Variants in GRM5 observed in about 807,000 individuals in gnomAD.
The protein encoded by GRM5 is glutamate metabotropic receptor 5.
GRM5 carries 19 observed loss-of-function variants against 83.1 expected under a neutral mutation model. The ratio of observed to expected loss-of-function variants is 0.23; its 90% confidence interval spans 0.16 to 0.34. The LOEUF is 0.34. Ranked by LOEUF, GRM5 falls within the 10% of genes least tolerant of loss-of-function variation. The pLI is 1.00. For synonymous variants in GRM5, 675 were observed against 633.6 expected (o/e 1.07, Z -0.98); for missense variants, 1,160 against 1,588.3 (o/e 0.73, Z 4.58).
intron 3 of GRM5, among the ~76,000 whole-genome samples, chr11:88,827,452 C>T (rs570127469): frequency 6.6e-6 from 1 of 152,204 alleles, no homozygotes; most frequent in Non-Finnish European, 1.5e-5. Flanking sequence ...ATGTTATGCT[C>T]TTCTTGCTAT....
intron 4 of GRM5, among the ~76,000 whole-genome samples, chr11:88,627,116 C>A (rs1383948416): frequency 6.6e-6 from 1 of 152,158 alleles, no homozygotes; most frequent in Non-Finnish European, 1.5e-5. Context: ...TTAATATTAT[C>A]CCAAATTTAC....
intron 3 of GRM5, among the ~76,000 whole-genome samples, chr11:88,780,003 T>G (rs1942941181): frequency 6.6e-6 from 1 of 152,174 alleles, no homozygotes; most frequent in South Asian, 2.1e-4. Flanking sequence ...GCCCTGTGCC[T>G]GGAATGTTCT....
At chr11:88,948,050 T>C (rs537756159) in intron 2 of GRM5, among the ~76,000 whole-genome samples, 299 of 151,960 alleles carry the variant, frequency 2.0e-3, no homozygotes, top group South Asian at 3.1e-3. Context: ...GCCAAAAGGA[T>C]AGGTGGAGGA....
At chr11:88,697,184 A>C (rs1223770691) in intron 3 of GRM5, among the ~76,000 whole-genome samples, 2 of 152,170 alleles carry the variant, frequency 1.3e-5, no homozygotes, top group South Asian at 4.1e-4. Flanking sequence ...AGCTGCATCC[A>C]AATGACTCTT....
intron 1 of GRM5, among the ~76,000 whole-genome samples, chr11:89,059,700 T>C (rs977800153): frequency 1.8e-4 from 28 of 152,120 alleles, no homozygotes; most frequent in African/African-American, 6.3e-4. Context: ...AAACTCGACA[T>C]CCAAAGGCCT....
chr11:88,535,595 A>T (rs1942115081), intron 8 of GRM5, among the ~76,000 whole-genome samples: 1 of 152,212 alleles, frequency 6.6e-6, no homozygotes. Context: ...ATTTGTTATC[A>T]TTTAAGCCAC....
intron 2 of GRM5, among the ~76,000 whole-genome samples, chr11:89,046,833 A>T (rs1055338667): frequency 6.6e-6 from 1 of 152,178 alleles, no homozygotes; most frequent in African/African-American, 2.4e-5. Context: ...TAGAAACAAT[A>T]GGCACCTAGA....
chr11:88,988,666 C>T (rs940788032), intron 2 of GRM5, among the ~76,000 whole-genome samples: 21 of 151,724 alleles, frequency 1.4e-4, no homozygotes, highest in African/African-American at 4.8e-4. Context: ...GATCTCTCGG[C>T]AGAAACCCTA....
At chr11:88,853,555 T>C (rs1276518085) in intron 2 of GRM5, among the ~76,000 whole-genome samples, 1 of 151,158 alleles carries the variant, frequency 6.6e-6, no homozygotes, top group Non-Finnish European at 1.5e-5. Context: ...ATAATGTCTA[T>C]AGTCATTTAA....
At chr11:89,059,059 G>C (rs1253961626) in intron 1 of GRM5, among the ~76,000 whole-genome samples, 2 of 151,948 alleles carry the variant, frequency 1.3e-5, no homozygotes, top group Non-Finnish European at 2.9e-5. Context: ...ATGTAAGAAG[G>C]TTGCATTATT....
chr11:88,724,151 G>T (rs1941616791), intron 3 of GRM5, among the ~76,000 whole-genome samples: 1 of 152,084 alleles, frequency 6.6e-6, no homozygotes, highest in Non-Finnish European at 1.5e-5. Context: ...TTCCTGCTTA[G>T]TTTAACTCAT....
At chr11:88,822,835 A>G (rs993660053) in intron 3 of GRM5, among the ~76,000 whole-genome samples, 2 of 149,840 alleles carry the variant, frequency 1.3e-5, no homozygotes, top group African/African-American at 4.9e-5. Flanking sequence ...TTGTCGCCCA[A>G]TTTCTCTCTG....
intron 3 of GRM5, among the ~76,000 whole-genome samples, chr11:88,667,398 A>G (rs905429627): frequency 2.6e-5 from 4 of 152,198 alleles, no homozygotes; most frequent in Non-Finnish European, 5.9e-5. Context: ...ACACAGATTA[A>G]TAAGTATGAT....
At chr11:88,513,884 A>G (rs1239102218) in intron 9 of GRM5, among the ~76,000 whole-genome samples, 1 of 152,136 alleles carries the variant, frequency 6.6e-6, no homozygotes, top group African/African-American at 2.4e-5. Flanking sequence ...TTAACATTAA[A>G]CCTTCTATTC....
intron 3 of GRM5, among the ~76,000 whole-genome samples, chr11:88,728,796 C>A (rs998168890): frequency 6.6e-6 from 1 of 152,136 alleles, no homozygotes; most frequent in Admixed American, 6.5e-5. Flanking sequence ...TCAATAGATG[C>A]AGAAAAGGCC....
intron 3 of GRM5, among the ~76,000 whole-genome samples, chr11:88,753,680 C>T (rs1942332621): frequency 6.6e-6 from 1 of 152,120 alleles, no homozygotes; most frequent in Admixed American, 6.6e-5. Flanking sequence ...CCTAAATCCC[C>T]ATCAATGATA....
At chr11:88,996,747 T>C (rs773996708) in intron 2 of GRM5, among the ~76,000 whole-genome samples, 4 of 152,098 alleles carry the variant, frequency 2.6e-5, no homozygotes, top group Non-Finnish European at 4.4e-5. Flanking sequence ...TACACTAAGA[T>C]AGAAAACAAA....
chr11:88,859,930 T>C (rs1334246225), intron 2 of GRM5, among the ~76,000 whole-genome samples: 8 of 152,160 alleles, frequency 5.3e-5, no homozygotes, highest in Non-Finnish European at 1.2e-4. Context: ...TTCTACAAAA[T>C]ACACAACGCT....
chr11:89,001,491 T>G (rs1464143247), intron 2 of GRM5, among the ~76,000 whole-genome samples: 1 of 152,106 alleles, frequency 6.6e-6, no homozygotes. Context: ...AGAACATTCT[T>G]GAAGTGACAA....
Sources: allele counts gnomAD v4.1 joint callset (sites outside exome capture counted in the v4.1 genomes callset), GRCh38; gene constraint gnomAD v4.1.1; transcripts MANE v1.5; gene names NCBI Gene and HGNC (gene_info 2026-07-23, HGNC 2026-07-21).